Variants in PRKACB observed in about 807,000 individuals in gnomAD.
PRKACB encodes the protein protein kinase cAMP-activated catalytic subunit beta, also known as cAMP-dependent protein kinase catalytic subunit beta.
A neutral mutation model predicts 51.4 loss-of-function variants in PRKACB; 16 were observed. The ratio of observed to expected loss-of-function variants is 0.31; its 90% CI spans 0.21 to 0.47. The LOEUF (loss-of-function observed/expected upper bound fraction) is 0.47, where lower values mean the gene tolerates loss of function less well. Ranked by LOEUF, PRKACB falls within the 20% of genes least tolerant of loss-of-function variation. The pLI is 1.00. For synonymous variants in PRKACB, 147 were observed against 154.4 expected, an observed-to-expected ratio of 0.95 and a Z score of 0.35; for missense variants, 309 against 464.5, an observed-to-expected ratio of 0.67 and a Z score of 3.08.
At chr1:84,144,819 C>CT (rs758214778) in intron 1 of PRKACB, among the ~76,000 whole-genome samples, 15 of 151,756 alleles carry the variant, frequency 9.9e-5, no homozygotes, top group Non-Finnish European at 1.6e-4. Flanking sequence ...TTCTAATGTA[C>CT]TTTTTTTTGT....
At chr1:84,106,657 A>G (rs980101189) in intron 1 of PRKACB, among the ~76,000 whole-genome samples, 3 of 152,184 alleles carry the variant, frequency 2.0e-5, no homozygotes, top group African/African-American at 7.2e-5. Context: ...AAGAATCAAT[A>G]TGGTTAAAAT....
chr1:84,214,077 A>G, intron 8 of PRKACB, 76 bp from the exon 9 acceptor site: 1 of 1,416,838 alleles, frequency 7.1e-7, no homozygotes, highest in Non-Finnish European at 9.3e-7. Flanking sequence ...GCCTTGAAAA[A>G]AAAACTTTAT....
chr1:84,130,513 T>C (rs1353447388), intron 1 of PRKACB, among the ~76,000 whole-genome samples: 1 of 152,148 alleles, frequency 6.6e-6, no homozygotes, highest in African/African-American at 2.4e-5. Context: ...AAAAGAGCCT[T>C]AAGAATCTGT....
At chr1:84,148,391 ATATAT>A (rs1654402171) in intron 1 of PRKACB, among the ~76,000 whole-genome samples, 1 of 151,618 alleles carries the variant, frequency 6.6e-6, no homozygotes. Flanking sequence ...TGTATACTAT[ATATAT>A]TATAGTTTAT....
chr1:84,078,825 A>AGTCT (rs1375206144), intron 1 of PRKACB, among the ~76,000 whole-genome samples: 1 of 152,130 alleles, frequency 6.6e-6, no homozygotes, highest in Non-Finnish European at 1.5e-5. Flanking sequence ...GGGGGCTGCT[A>AGTCT]GTCTGGCTCT....
chr1:84,130,418 C>T (rs1005800658), intron 1 of PRKACB, among the ~76,000 whole-genome samples: 1 of 151,856 alleles, frequency 6.6e-6, no homozygotes, highest in Admixed American at 6.6e-5. Context: ...TGGAGACAAC[C>T]CAGAAAAGAG....
chr1:84,085,862 G>A, intron 1 of PRKACB: 1 of 570,074 alleles, frequency 1.8e-6, no homozygotes, highest in Admixed American at 2.6e-5. Flanking sequence ...AGTCCTGGTG[G>A]CCTGGCTGTA....
intron 2 of PRKACB, chr1:84,181,634 A>G: frequency 1.4e-6 from 2 of 1,390,762 alleles, no homozygotes; most frequent in Non-Finnish European, 1.9e-6. Context: ...TTATAATATA[A>G]AGAGAGAAAG....
chr1:84,164,562 A>G, intron 1 of PRKACB: 1 of 1,406,496 alleles, frequency 7.1e-7, no homozygotes. Flanking sequence ...TGTCTGGTGG[A>G]TTAAAGCTTT....
intron 1 of PRKACB, among the ~76,000 whole-genome samples, chr1:84,112,317 C>T (rs1165447559): frequency 6.6e-6 from 1 of 150,578 alleles, no homozygotes; most frequent in Non-Finnish European, 1.5e-5. Context: ...ACTGCAACCT[C>T]CACTTCCTGG....
At chr1:84,185,077 AT>A in intron 4 of PRKACB, 22 bp from the exon 5 acceptor site, 2 of 1,370,328 alleles carry the variant, frequency 1.5e-6, no homozygotes, top group South Asian at 1.4e-5. Context: ...GAATAATTGT[AT>A]TTCCTTTTTA....
At chr1:84,227,800 A>G (rs589918) in intron 9 of PRKACB, among the ~76,000 whole-genome samples, 82,829 of 152,142 alleles carry the variant, frequency 0.54, 24,999 homozygotes, top group Non-Finnish European at 0.69. Context: ...TACTTTAACC[A>G]TTTGTTTTAA....
intron 1 of PRKACB, among the ~76,000 whole-genome samples, chr1:84,144,964 G>A (rs559041093): frequency 1.3e-5 from 2 of 152,046 alleles, no homozygotes; most frequent in African/African-American, 2.4e-5. Flanking sequence ...CATTTCTATT[G>A]TGTTTGCCAT....
intron 1 of PRKACB, among the ~76,000 whole-genome samples, chr1:84,086,566 G>A (rs1350436770): frequency 2.0e-5 from 3 of 152,304 alleles, no homozygotes; most frequent in East Asian, 1.9e-4. Flanking sequence ...CTGAAGCCTC[G>A]TGCCTGGCTC....
intron 1 of PRKACB, among the ~76,000 whole-genome samples, chr1:84,136,073 A>C (rs1453199914): frequency 6.6e-6 from 1 of 152,108 alleles, no homozygotes; most frequent in African/African-American, 2.4e-5. Flanking sequence ...TTCTTCACTG[A>C]AGCATCCATG....
At chr1:84,113,395 A>T (rs1489197265) in intron 1 of PRKACB, among the ~76,000 whole-genome samples, 3 of 152,220 alleles carry the variant, frequency 2.0e-5, no homozygotes, top group African/African-American at 4.8e-5. Context: ...ATGCAAAGGC[A>T]TGGGAGCCCT....
chr1:84,197,821 C>A lies in PRKACB; in HGVS notation c.780C>A (p.Ser260Arg), dbSNP rs142392871. ...ATTTGGCTCCAGAAATAATTCTCAGCAAGGTATATTCATAATATCAACACA... is the reference window on the plus strand; with the variant it reads ...ATTTGGCTCCAGAAATAATTCTCAGAAAGGTATATTCATAATATCAACACA... ...PEYLAPEIILSKGYNKAVDWW... is the reference protein window; with the variant it reads ...PEYLAPEIILRKGYNKAVDWW... Residue 260 changes from serine (S) to arginine (R), a missense_variant, in exon 7 of 10, where the codon AGC (serine) becomes AGA (arginine). Physicochemically the swap from Ser to Arg is moderately radical, Grantham distance 110. Around this residue, in one of 3 missense-constraint regions of PRKACB, gnomAD observed 60 missense variants for 144.4 expected, o/e 0.42. Coordinates refer to ENST00000370685, the MANE Select transcript of PRKACB (RefSeq NM_182948.4). The A allele has an allele frequency of 3.1e-6, 5 of 1,594,268 alleles. No homozygotes were observed. Among genetic ancestry groups the A allele is most frequent in the East Asian group, 2.2e-5 (1 of 44,536 alleles).
chr1:84,196,418 T>C (rs1374785078), intron 5 of PRKACB, among the ~76,000 whole-genome samples, 198 bp from the exon 6 acceptor site: 4 of 152,164 alleles, frequency 2.6e-5, no homozygotes, highest in African/African-American at 9.7e-5. Flanking sequence ...TCCCCATAAA[T>C]TTATCAGAGC....
chr1:84,135,008 T>C (rs1404864591), intron 1 of PRKACB, among the ~76,000 whole-genome samples: 1 of 152,208 alleles, frequency 6.6e-6, no homozygotes, highest in African/African-American at 2.4e-5. Flanking sequence ...TAAGGCAAGC[T>C]ATGCATTGTC....
Sources: gnomAD v4.1 joint callset for allele counts (sites outside exome capture counted in the v4.1 genomes callset) on GRCh38, gnomAD v4.1.1 for gene constraint, gnomAD v4.1.1 regional missense constraint, MANE v1.5 for transcripts, NCBI Gene and HGNC (gene_info 2026-07-23, HGNC 2026-07-21) for gene names.